The following CSNK1A1 variants were observed in gnomAD, a reference collection of about 807,000 sequenced individuals.
The protein encoded by CSNK1A1 is casein kinase 1 alpha 1, also known as casein kinase I isoform alpha.
A neutral mutation model predicts 46.1 loss-of-function variants in CSNK1A1; 7 were observed. The ratio of observed to expected loss-of-function variants is 0.15; its 90% CI spans 0.09 to 0.29. The LOEUF is 0.29. Ranked by LOEUF, CSNK1A1 falls within the 10% of genes least tolerant of loss-of-function variation. The pLI, the probability that CSNK1A1 is intolerant of heterozygous loss-of-function variation, is 1.00. For synonymous variants in CSNK1A1, 137 were observed against 141.5 expected (o/e 0.97, Z 0.23); for missense variants, 96 against 417.1 (o/e 0.23, Z 6.71).
At chr5:149,526,929 C>T (rs190849920) in intron 2 of CSNK1A1, among the ~76,000 whole-genome samples, 367 of 152,252 alleles carry the variant, frequency 2.4e-3, no homozygotes, top group Non-Finnish European at 4.2e-3. Context: ...TTCCTTCCTA[C>T]GACTTTTGCT....
chr5:149,535,534 T>G (rs185405997), intron 2 of CSNK1A1, among the ~76,000 whole-genome samples: 4 of 152,274 alleles, frequency 2.6e-5, no homozygotes, highest in Admixed American at 6.5e-5. Flanking sequence ...TAAAAAGGGA[T>G]AACATGTACA....
At chr5:149,509,720 A>T (rs1761155884) in intron 7 of CSNK1A1, among the ~76,000 whole-genome samples, 159 bp downstream of exon 7, 1 of 151,614 alleles carries the variant, frequency 6.6e-6, no homozygotes, top group Non-Finnish European at 1.5e-5. Context: ...TTTATCTATT[A>T]AGGTAGAAAT....
At chr5:149,507,264 T>TA (rs1761062636) in intron 7 of CSNK1A1, 131 bp from the exon 8 acceptor site, 1 of 642,940 alleles carries the variant, frequency 1.6e-6, no homozygotes, top group African/African-American at 1.8e-5. Context: ...ATATGAGAGC[T>TA]AAAATGATGG....
At chr5:149,538,413 T>C (rs1002765433) in intron 2 of CSNK1A1, among the ~76,000 whole-genome samples, 2 of 152,204 alleles carry the variant, frequency 1.3e-5, no homozygotes, top group Non-Finnish European at 1.5e-5. Context: ...TTCAACGTAC[T>C]GTACAAGGTG....
intron 9 of CSNK1A1, chr5:149,497,883 G>C: frequency 1.1e-6 from 1 of 951,488 alleles, no homozygotes; most frequent in Non-Finnish European, 1.3e-6. Context: ...ACCCAGGCTG[G>C]AGGGCAGTGG....
At chr5:149,535,969 T>C (rs1388462514) in intron 2 of CSNK1A1, among the ~76,000 whole-genome samples, 1 of 152,002 alleles carries the variant, frequency 6.6e-6, no homozygotes, top group Non-Finnish European at 1.5e-5. Context: ...CTTTCTTTTT[T>C]TGAGACAGAG....
At chr5:149,548,791 G>A (rs984074781) in intron 2 of CSNK1A1, among the ~76,000 whole-genome samples, 8 of 152,218 alleles carry the variant, frequency 5.3e-5, no homozygotes, top group African/African-American at 1.4e-4. Context: ...AGAGGTTGCA[G>A]TGAGCCAAGA....
chr5:149,510,583 A>C (rs929868857), intron 6 of CSNK1A1, among the ~76,000 whole-genome samples: 1 of 151,800 alleles, frequency 6.6e-6, no homozygotes, highest in African/African-American at 2.4e-5. Context: ...GCTCAAAGCA[A>C]TCCTCCCGGC....
At chr5:149,514,505 C>CACTAT (rs1382268569) in intron 4 of CSNK1A1, among the ~76,000 whole-genome samples, 1 of 152,174 alleles carries the variant, frequency 6.6e-6, no homozygotes, top group African/African-American at 2.4e-5. Flanking sequence ...TGTGCCCTTA[C>CACTAT]ACTATATAGC....
At chr5:149,536,821 G>C (rs1451331108) in intron 2 of CSNK1A1, among the ~76,000 whole-genome samples, 1 of 152,108 alleles carries the variant, frequency 6.6e-6, no homozygotes, top group Non-Finnish European at 1.5e-5. Context: ...TTAAGAATGG[G>C]AAGCTGGCTA....
Position 149,517,252 on chromosome 5 carries a change from TA to T in CSNK1A1, c.456+3037del, listed in dbSNP as rs1352729717. Among the ~76,000 whole-genome samples the T allele has an allele frequency of 6.6e-6, 1 of 152,162 alleles. No homozygotes were observed. The highest frequency in any genetic ancestry group is 1.5e-5 in the Non-Finnish European group (1 of 68,016). On this transcript the variant is annotated intron_variant, in intron 4 of 9. Coordinates refer to ENST00000377843, the MANE Select transcript of CSNK1A1 (RefSeq NM_001892.6). The surrounding 1 kb of genome is among the most constrained non-coding windows in gnomAD (Gnocchi z 4.4). The stretch of plus-strand genomic sequence containing the variant: ...TAGTTCCAGAGCCTATAATGCTCTG[TA>T]AATATCCATTTGCTAGAAGTTGAGA...
intron 9 of CSNK1A1, chr5:149,498,781 G>C (rs904550555): frequency 4.1e-6 from 4 of 984,954 alleles, no homozygotes; most frequent in Non-Finnish European, 4.8e-6. Flanking sequence ...GGCTTTCAAA[G>C]GGAAAACCAC....
chr5:149,510,523 G>A (rs1483308491), intron 6 of CSNK1A1, among the ~76,000 whole-genome samples: 3 of 152,102 alleles, frequency 2.0e-5, no homozygotes, highest in African/African-American at 7.2e-5. Flanking sequence ...GGTTGCCCAG[G>A]CTGGAGTGCA....
At chr5:149,508,559 C>G (rs536065440) in intron 7 of CSNK1A1, among the ~76,000 whole-genome samples, 1 of 152,206 alleles carries the variant, frequency 6.6e-6, no homozygotes, top group Non-Finnish European at 1.5e-5. Flanking sequence ...AAATACCTCT[C>G]TATTCTAAAC....
At chr5:149,504,714 T>C in intron 9 of CSNK1A1, 13 of 985,438 alleles carry the variant, frequency 1.3e-5, no homozygotes, top group Non-Finnish European at 1.4e-5. Flanking sequence ...CAGACTTCAA[T>C]TCCACATTAA....
intron 2 of CSNK1A1, among the ~76,000 whole-genome samples, chr5:149,546,523 C>G (rs1337020513): frequency 6.6e-6 from 1 of 151,874 alleles, no homozygotes; most frequent in African/African-American, 2.4e-5. Flanking sequence ...GTCCCAGCTA[C>G]TCAGGAGGCT....
chr5:149,501,587 C>G, intron 9 of CSNK1A1: 1 of 985,090 alleles, frequency 1.0e-6, no homozygotes, highest in Non-Finnish European at 1.2e-6. Context: ...ACTTTGAGAG[C>G]TGTCTATATT....
intron 3 of CSNK1A1, among the ~76,000 whole-genome samples, chr5:149,521,850 C>T (rs144864021): frequency 0.024 from 3,637 of 152,078 alleles, 70 homozygotes; most frequent in East Asian, 0.088. Context: ...TAAAATGATC[C>T]ACCTGCCTCG....
At chr5:149,534,414 G>A (rs1452750063) in intron 2 of CSNK1A1, among the ~76,000 whole-genome samples, 1 of 149,920 alleles carries the variant, frequency 6.7e-6, no homozygotes, top group East Asian at 2.0e-4. Flanking sequence ...AACCCGGGAG[G>A]CGGGGGTTGC....
Sources: allele counts gnomAD v4.1 joint callset (sites outside exome capture counted in the v4.1 genomes callset), GRCh38; gene constraint gnomAD v4.1.1; non-coding constraint Gnocchi (gnomAD v3.1); transcripts MANE v1.5; gene names NCBI Gene and HGNC (gene_info 2026-07-23, HGNC 2026-07-21).